The following PDZD2 variants were observed in gnomAD, a reference collection of about 807,000 sequenced individuals.
The protein encoded by PDZD2 is PDZ domain-containing protein 2.
In PDZD2, 90 loss-of-function variants were observed where a neutral mutation model predicts 220.7. The observed-to-expected ratio is 0.41, with a 90% CI of 0.34 to 0.49. The LOEUF is 0.49. Ranked by LOEUF, PDZD2 falls within the 20% of genes least tolerant of loss-of-function variation. The pLI is 0.28. For missense variants in PDZD2, 3,174 were observed against 3,608.5 expected, an observed-to-expected ratio of 0.88 and a Z score of 3.08; for synonymous variants, 1,375 against 1,450.5, an observed-to-expected ratio of 0.95 and a Z score of 1.18.
intron 1 of PDZD2, among the ~76,000 whole-genome samples, chr5:31,739,589 C>T (rs1750129225): frequency 6.6e-6 from 1 of 152,120 alleles, no homozygotes; most frequent in African/African-American, 2.4e-5. Context: ...AAAAGATAAA[C>T]TTTATTTCCC....
chr5:31,728,677 A>G (rs903919711), intron 1 of PDZD2, among the ~76,000 whole-genome samples: 1 of 152,228 alleles, frequency 6.6e-6, no homozygotes, highest in Non-Finnish European at 1.5e-5. Flanking sequence ...TGCAATGGCC[A>G]TGAAATGATA....
rs191200730 is a variant in PDZD2 at position 32,040,870 on chromosome 5, G to A, written c.1519+3528G>A. On this transcript the variant is annotated intron_variant, in intron 7 of 24. Coordinates refer to ENST00000438447, the MANE Select transcript of PDZD2 (RefSeq NM_178140.4). ...GCCTCTGCCCGGCCGCCCCGTCTGG[G>A]AAGTGAAGAGCGCCTCTGCCTGGCC... Among the ~76,000 whole-genome samples the A allele has an allele frequency of 4.7e-5, 7 of 148,416 alleles. No individual in the cohort carries two copies. The East Asian group carries it at 1.2e-3, about 26-fold the overall frequency.
chr5:31,866,863 G>T (rs768730105), intron 2 of PDZD2, among the ~76,000 whole-genome samples: 1 of 152,232 alleles, frequency 6.6e-6, no homozygotes, highest in African/African-American at 2.4e-5. Flanking sequence ...GCAATTAGCT[G>T]TCATGTTTTT....
intron 14 of PDZD2, among the ~76,000 whole-genome samples, chr5:32,063,087 C>T (rs765314168): frequency 4.1e-5 from 6 of 146,700 alleles, no homozygotes; most frequent in Non-Finnish European, 9.0e-5. Flanking sequence ...CTCTATAGCC[C>T]GGGCTGGGGT....
chr5:31,874,624 G>C (rs113399216), intron 2 of PDZD2, among the ~76,000 whole-genome samples: 1 of 151,988 alleles, frequency 6.6e-6, no homozygotes, highest in Non-Finnish European at 1.5e-5. Context: ...AGTCGGGTGT[G>C]GTGGCACATG....
Position 31,799,355 on chromosome 5 carries a change from A to C in PDZD2, c.107A>C (p.Gln36Pro), listed in dbSNP as rs1423084052. The change falls in exon 2 of 25, where the codon CAG becomes CCG. Residue 36 changes from glutamine (Q) to proline (P), a missense_variant. Transcript: ENST00000438447. ...GGDGPEQRLC[Q>P]AAIQKLQEYI... ...GATGGGCCGGAGCAGCGGCTCTGCCAGGCGGCCATCCAGAAGCTGCAGGAG... is the reference window on the plus strand; with the variant it reads ...GATGGGCCGGAGCAGCGGCTCTGCCCGGCGGCCATCCAGAAGCTGCAGGAG... 1 of 1,614,106 alleles carries C rather than the reference A, an allele frequency of 6.2e-7. No individual in the cohort carries two copies. Among genetic ancestry groups the C allele is most frequent in the Non-Finnish European group, 8.5e-7 (1 of 1,180,034 alleles).
chr5:32,002,690 CCACA>C (rs780380388), intron 5 of PDZD2, among the ~76,000 whole-genome samples: 1 of 129,724 alleles, frequency 7.7e-6, no homozygotes, highest in Non-Finnish European at 1.7e-5. Context: ...CCAACACACA[CCACA>C]CACACCACCA....
chr5:31,922,923 A>G (rs1391907149), intron 2 of PDZD2, among the ~76,000 whole-genome samples: 1 of 138,534 alleles, frequency 7.2e-6, no homozygotes, highest in African/African-American at 2.7e-5. Context: ...CTAGCAATCC[A>G]CCCACCTTGA....
chr5:31,676,745 G>A (rs925532219), intron 1 of PDZD2, among the ~76,000 whole-genome samples: 1 of 151,810 alleles, frequency 6.6e-6, no homozygotes, highest in Non-Finnish European at 1.5e-5. Context: ...AGTAGAGACA[G>A]GGTTCACCAT....
At chr5:32,040,345 G>A (rs1432404441) in intron 7 of PDZD2, among the ~76,000 whole-genome samples, 1 of 150,410 alleles carries the variant, frequency 6.6e-6, no homozygotes, top group African/African-American at 2.5e-5. Flanking sequence ...GAAGTGAGGA[G>A]CCCCTCTGCC....
chr5:32,106,828 A>G (rs1266292738), intron 24 of PDZD2, among the ~76,000 whole-genome samples: 1 of 152,212 alleles, frequency 6.6e-6, no homozygotes, highest in Admixed American at 6.5e-5. Flanking sequence ...AAAAGCAAGG[A>G]CTAGGGACCA....
chr5:32,103,008 A>T (rs1267255232), intron 24 of PDZD2, among the ~76,000 whole-genome samples: 1 of 152,346 alleles, frequency 6.6e-6, no homozygotes, highest in East Asian at 1.9e-4. Flanking sequence ...AATCCATGTG[A>T]AGATAGATAG....
intron 2 of PDZD2, among the ~76,000 whole-genome samples, chr5:31,878,555 C>CTTTTTTTTTGTTTTTTTTTTTT (rs1739534172): frequency 4.1e-5 from 2 of 48,196 alleles, no homozygotes; most frequent in South Asian, 1.3e-3. Context: ...ATGACCTCGG[C>CTTTTTTTTTGTTTTTTTTTTTT]TTTTTTTTTT....
intron 6 of PDZD2, among the ~76,000 whole-genome samples, chr5:32,024,698 G>A (rs1978459): frequency 0.52 from 72,321 of 139,806 alleles, 20,172 homozygotes; most frequent in South Asian, 0.62. Flanking sequence ...AAAAAAGAAA[G>A]AAAAAAAAGA....
intron 1 of PDZD2, among the ~76,000 whole-genome samples, chr5:31,771,507 G>A (rs1488080147): frequency 2.0e-5 from 3 of 149,208 alleles, no homozygotes; most frequent in Admixed American, 6.6e-5. Context: ...GGTTGGGGGA[G>A]ACAGAGGGTA....
chr5:32,029,634 A>T (rs1380491601), intron 6 of PDZD2, among the ~76,000 whole-genome samples: 1 of 152,134 alleles, frequency 6.6e-6, no homozygotes, highest in East Asian at 1.9e-4. Flanking sequence ...GTCTTTTATG[A>T]TGGGCTAGAA....
chr5:31,708,023 A>C (rs1305433604), intron 1 of PDZD2, among the ~76,000 whole-genome samples: 1 of 152,178 alleles, frequency 6.6e-6, no homozygotes, highest in Non-Finnish European at 1.5e-5. Flanking sequence ...TCCCACCTTG[A>C]TAGTAACAGC....
chr5:31,958,556 A>C (rs923075093), intron 2 of PDZD2, among the ~76,000 whole-genome samples: 1 of 151,874 alleles, frequency 6.6e-6, no homozygotes, highest in Admixed American at 6.6e-5. Flanking sequence ...CAGCTGGCTT[A>C]TCTTGATATT....
rs78440391 is a variant in PDZD2 at position 32,109,482 on chromosome 5, A to G, written c.*1347A>G. The G allele has an allele frequency of 6.6e-6, 1 of 152,306 alleles. No homozygotes were observed. The highest frequency in any genetic ancestry group is 2.4e-5 in the African/African-American group (1 of 41,570). 9.4% of individuals were successfully genotyped at this position (152,306 alleles called of 1,614,324 possible). ...GATTGGATATTCCGTTCGTCGTCACATAGCTGGCTTTTCTCTCCTCATGAT... is the reference window on the plus strand; with the variant it reads ...GATTGGATATTCCGTTCGTCGTCACGTAGCTGGCTTTTCTCTCCTCATGAT... On this transcript the variant is annotated 3_prime_UTR_variant, in exon 25 of 25. Coordinates refer to ENST00000438447, the MANE Select transcript of PDZD2 (RefSeq NM_178140.4).
Sources: gnomAD v4.1 joint callset for allele counts (sites outside exome capture counted in the v4.1 genomes callset) on GRCh38, gnomAD v4.1.1 for gene constraint, MANE v1.5 for transcripts, NCBI Gene and HGNC (gene_info 2026-07-23, HGNC 2026-07-21) for gene names.